Variants in NPAS3 observed in about 807,000 individuals in gnomAD.
NPAS3 encodes the protein neuronal PAS domain protein 3.
Under a neutral mutation model 73.1 loss-of-function variants are expected in NPAS3, and 14 were observed. The ratio of observed to expected loss-of-function variants is 0.19; its 90% CI spans 0.13 to 0.30. The LOEUF (loss-of-function observed/expected upper bound fraction) is 0.30, where lower values mean the gene tolerates loss of function less well. Among genes scored for constraint, NPAS3 ranks in the 10% least tolerant of loss-of-function variants. The pLI is 1.00. For synonymous variants in NPAS3, 620 were observed against 541.5 expected (o/e 1.14, Z -2.01); for missense variants, 1,096 against 1,250.0 (o/e 0.88, Z 1.86).
At chr14:33,447,821 AG>A (rs1229465751) in intron 4 of NPAS3, among the ~76,000 whole-genome samples, 1 of 152,212 alleles carries the variant, frequency 6.6e-6, no homozygotes, top group Non-Finnish European at 1.5e-5. Flanking sequence ...AGGCTAAGGC[AG>A]GAGGATTGCT....
chr14:33,691,138 T>C (rs2060226438), intron 6 of NPAS3, among the ~76,000 whole-genome samples: 1 of 152,240 alleles, frequency 6.6e-6, no homozygotes. Flanking sequence ...TCAATCTGGG[T>C]GAAGCCCAGT....
rs780708461 is a variant in NPAS3 at position 33,178,070 on chromosome 14, A to ATTTTTTTTTTTTTTTTTTTTTTTT, written c.141-37104_141-37103insTTTTTTTTTTTTTTTTTTTTTTTT. Among the ~76,000 whole-genome samples, 2 of 123,868 alleles carry ATTTTTTTTTTTTTTTTTTTTTTTT rather than the reference A, an allele frequency of 1.6e-5. 1 individual carries two copies. 81.3% of individuals were successfully genotyped at this position (123,868 alleles called of 152,430 possible). On this transcript the variant is annotated intron_variant, in intron 2 of 11. Coordinates refer to ENST00000356141, the Ensembl canonical transcript of NPAS3. ...GGAATTTTGATAGGCATTGAAGTGA[A>ATTTTTTTTTTTTTTTTTTTTTTTT]TTTTTTTTGTTTTTTTTTTTTTGGA...
At chr14:33,284,106 T>C (rs570806795) in intron 3 of NPAS3, among the ~76,000 whole-genome samples, 2 of 152,186 alleles carry the variant, frequency 1.3e-5, no homozygotes, top group Admixed American at 6.5e-5. Flanking sequence ...TATTTAAATC[T>C]TTTTCAGAAT....
intron 3 of NPAS3, among the ~76,000 whole-genome samples, chr14:33,319,641 T>A (rs907955491): frequency 6.6e-6 from 1 of 151,012 alleles, no homozygotes; most frequent in African/African-American, 2.5e-5. Flanking sequence ...CTCTATGGGG[T>A]TGGAAAAAAA....
chr14:33,107,486 A>G (rs962016905), intron 2 of NPAS3, among the ~76,000 whole-genome samples: 1 of 152,096 alleles, frequency 6.6e-6, no homozygotes, highest in Non-Finnish European at 1.5e-5. Flanking sequence ...TAGCTCCCAC[A>G]GATAATTGAG....
intron 4 of NPAS3, among the ~76,000 whole-genome samples, chr14:33,417,160 A>G (rs527512249): frequency 1.3e-5 from 2 of 152,158 alleles, no homozygotes; most frequent in African/African-American, 4.8e-5. Context: ...TGAATCTTTT[A>G]TCTCATCTGC....
chr14:33,679,526 A>ATCTC (rs1156707924), intron 6 of NPAS3, among the ~76,000 whole-genome samples: 1 of 152,206 alleles, frequency 6.6e-6, no homozygotes, highest in Non-Finnish European at 1.5e-5. Flanking sequence ...TTGCATCATA[A>ATCTC]TCTCTTGAAC....
At chr14:33,506,270 A>G (rs1455088498) in intron 4 of NPAS3, among the ~76,000 whole-genome samples, 1 of 152,086 alleles carries the variant, frequency 6.6e-6, no homozygotes, top group Non-Finnish European at 1.5e-5. Flanking sequence ...CCTGGCATAT[A>G]GTAAGTGCTC....
intron 3 of NPAS3, among the ~76,000 whole-genome samples, chr14:33,260,751 T>C (rs2139953728): frequency 6.6e-6 from 1 of 152,338 alleles, no homozygotes; most frequent in East Asian, 1.9e-4. Flanking sequence ...TTAACCTCTC[T>C]CTTCTGTCCC....
chr14:33,284,806 A>G (rs1566758203), intron 3 of NPAS3, among the ~76,000 whole-genome samples: 1 of 142,402 alleles, frequency 7.0e-6, no homozygotes, highest in Non-Finnish European at 1.5e-5. Context: ...CTATCTATCT[A>G]TCTATCTATA....
chr14:33,333,517 G>T (rs1289914051), intron 3 of NPAS3, among the ~76,000 whole-genome samples: 1 of 152,148 alleles, frequency 6.6e-6, no homozygotes, highest in African/African-American at 2.4e-5. Flanking sequence ...CTAGGGCTCA[G>T]AGCAGTATTT....
chr14:33,070,725 G>A (rs1383940385), intron 2 of NPAS3, among the ~76,000 whole-genome samples: 3 of 152,200 alleles, frequency 2.0e-5, no homozygotes, highest in African/African-American at 4.8e-5. Context: ...ACATGGGCCT[G>A]TATTCATGTA....
intron 5 of NPAS3, among the ~76,000 whole-genome samples, chr14:33,574,442 C>G (rs1329679794): frequency 6.6e-6 from 1 of 152,078 alleles, no homozygotes; most frequent in African/African-American, 2.4e-5. Context: ...TGAAAGATTT[C>G]CGTGATTTGA....
chr14:33,276,199 A>G (rs930180819), intron 3 of NPAS3, among the ~76,000 whole-genome samples: 16 of 152,282 alleles, frequency 1.1e-4, no homozygotes, highest in South Asian at 8.3e-4. Context: ...ATAAAGAGCT[A>G]TGGATATACT....
At position 33,192,205 on chromosome 14, in the gene NPAS3, C is replaced by T. The variant is rs573690288; in HGVS notation, c.141-22977C>T. On this transcript the variant is annotated intron_variant, in intron 2 of 11. Coordinates refer to ENST00000356141, the Ensembl canonical transcript of NPAS3. Reference sequence around the variant, plus strand: ...GCCCTCCTCACCTGTAGATAGATAACCATAAGATTGTTTAAAGATTCAATG... The same window carrying T: ...GCCCTCCTCACCTGTAGATAGATAATCATAAGATTGTTTAAAGATTCAATG... 2.6e-5 allele frequency among the ~76,000 whole-genome samples: 4 copies of T among 152,214 alleles called. No homozygotes were observed. The South Asian group carries it at 8.3e-4, about 32-fold the overall frequency.
At chr14:33,465,587 G>T (rs1218121845) in intron 4 of NPAS3, among the ~76,000 whole-genome samples, 1 of 151,978 alleles carries the variant, frequency 6.6e-6, no homozygotes, top group African/African-American at 2.4e-5. Context: ...ATTTTTATTA[G>T]CCCTGTTTTA....
chr14:33,053,751 C>G (rs2040790754), intron 1 of NPAS3, among the ~76,000 whole-genome samples: 1 of 152,130 alleles, frequency 6.6e-6, no homozygotes, highest in Admixed American at 6.5e-5. Flanking sequence ...AAAATTACAT[C>G]ATAACATTTT....
chr14:33,450,661 A>T (rs1344660714), intron 4 of NPAS3, among the ~76,000 whole-genome samples: 1 of 152,156 alleles, frequency 6.6e-6, no homozygotes, highest in South Asian at 2.1e-4. Context: ...TGTATGTTAG[A>T]GTTGGCCATG....
At chr14:33,366,544 A>C (rs895731596) in intron 3 of NPAS3, among the ~76,000 whole-genome samples, 3 of 152,210 alleles carry the variant, frequency 2.0e-5, no homozygotes, top group Non-Finnish European at 4.4e-5. Flanking sequence ...GGTGAGGCAC[A>C]TGCTGGCCAA....
Sources: gnomAD v4.1 joint callset for allele counts (sites outside exome capture counted in the v4.1 genomes callset) on GRCh38, gnomAD v4.1.1 for gene constraint, MANE v1.5 for transcripts, NCBI Gene and HGNC (gene_info 2026-07-23, HGNC 2026-07-21) for gene names.